Variants in TBC1D2 observed in about 807,000 individuals in gnomAD.
The protein encoded by TBC1D2 is TBC1 domain family member 2A.
TBC1D2 carries 58 observed loss-of-function variants against 91.1 expected under a neutral mutation model. The observed-to-expected ratio is 0.64, with a 90% CI of 0.52 to 0.79. The LOEUF (loss-of-function observed/expected upper bound fraction) is 0.79. Among genes scored for constraint, TBC1D2 ranks in the 30% least tolerant of loss-of-function variants. TBC1D2 has a pLI of 0.00. For synonymous variants in TBC1D2, 482 were observed against 511.5 expected, an observed-to-expected ratio of 0.94 and a Z score of 0.78; for missense variants, 1,080 against 1,208.3, an observed-to-expected ratio of 0.89 and a Z score of 1.57.
chr9:98,203,498 G>A, intron 9 of TBC1D2, 90 bp from the exon 10 acceptor site: 16 of 1,554,436 alleles, frequency 1.0e-5, no homozygotes, highest in Non-Finnish European at 1.3e-5. Context: ...GGTTCCAGGG[G>A]GAAAGTCCTT....
intron 3 of TBC1D2, among the ~76,000 whole-genome samples, 172 bp downstream of exon 3, chr9:98,243,822 C>A (rs1829704110): frequency 6.6e-6 from 1 of 152,190 alleles, no homozygotes. Context: ...TAGGCATAAG[C>A]CACCACACCC....
At chr9:98,239,407 T>C (rs183145209) in intron 3 of TBC1D2, among the ~76,000 whole-genome samples, 3 of 152,396 alleles carry the variant, frequency 2.0e-5, no homozygotes, top group African/African-American at 7.2e-5. Flanking sequence ...TATTGTCAAA[T>C]GCTTTTTCTC....
At chr9:98,204,510 G>A (rs1391861373) in intron 9 of TBC1D2, among the ~76,000 whole-genome samples, 1 of 152,142 alleles carries the variant, frequency 6.6e-6, no homozygotes, top group African/African-American at 2.4e-5. Flanking sequence ...TGGTCATAAC[G>A]AGCATTTAAG....
At chr9:98,236,470 G>A (rs1026692775) in intron 3 of TBC1D2, among the ~76,000 whole-genome samples, 11 of 152,218 alleles carry the variant, frequency 7.2e-5, no homozygotes, top group East Asian at 3.9e-4. Flanking sequence ...TGATCCACCC[G>A]CCTTGGCTTC....
chr9:98,241,613 T>A (rs1829638694), intron 3 of TBC1D2, among the ~76,000 whole-genome samples: 1 of 152,216 alleles, frequency 6.6e-6, no homozygotes, highest in South Asian at 2.1e-4. Flanking sequence ...ATTTTCTATG[T>A]TCTGCTTCTG....
chr9:98,231,587 A>T (rs1044904491), intron 4 of TBC1D2, among the ~76,000 whole-genome samples: 1 of 152,076 alleles, frequency 6.6e-6, no homozygotes. Flanking sequence ...ACTGGGCAAA[A>T]CTATACTGTT....
At chr9:98,248,820 T>C (rs1829815669) in intron 2 of TBC1D2, among the ~76,000 whole-genome samples, 1 of 152,164 alleles carries the variant, frequency 6.6e-6, no homozygotes, top group South Asian at 2.1e-4. Context: ...CTTGCTATTC[T>C]TATTATTATA....
chr9:98,247,999 T>A (rs940203129), intron 2 of TBC1D2, among the ~76,000 whole-genome samples: 1 of 152,170 alleles, frequency 6.6e-6, no homozygotes, highest in Admixed American at 6.5e-5. Context: ...ACTCTGAGAC[T>A]ACACAGAGCC....
intron 11 of TBC1D2, 83 bp downstream of exon 11, chr9:98,201,396 A>G: frequency 7.6e-7 from 1 of 1,314,828 alleles, no homozygotes; most frequent in Non-Finnish European, 1.1e-6. Context: ...TTGTCTTCCC[A>G]TTCTCCAGGG....
chr9:98,200,395 C>T, intron 11 of TBC1D2, 21 bp from the exon 12 acceptor site: 3 of 1,558,172 alleles, frequency 1.9e-6, no homozygotes, highest in Non-Finnish European at 2.6e-6. Context: ...AGTGGGGGCT[C>T]AGGTAGGGCA....
At chr9:98,200,408 G>A (rs1828460009) in intron 11 of TBC1D2, 34 bp from the exon 12 acceptor site, 1 of 1,565,912 alleles carries the variant, frequency 6.4e-7, no homozygotes, top group Non-Finnish European at 8.7e-7. Flanking sequence ...GTAGGGCATG[G>A]GGGGGCCAGG....
At chr9:98,213,393 T>C (rs2119049144) in intron 6 of TBC1D2, 175 bp from the exon 7 acceptor site, 1 of 1,421,240 alleles carries the variant, frequency 7.0e-7, no homozygotes, top group Non-Finnish European at 9.2e-7. Context: ...TTCTCTATTC[T>C]TGATGTCAGC....
At chr9:98,227,165 A>G in intron 5 of TBC1D2, among the ~76,000 whole-genome samples, 1 of 152,250 alleles carries the variant, frequency 6.6e-6, no homozygotes, top group Non-Finnish European at 1.5e-5. Context: ...CTGGAGCACC[A>G]TGATGACAGG....
intron 3 of TBC1D2, among the ~76,000 whole-genome samples, chr9:98,240,375 C>T (rs747952876): frequency 2.0e-5 from 3 of 152,126 alleles, no homozygotes; most frequent in Non-Finnish European, 2.9e-5. Context: ...TAAGGAGAGC[C>T]CCTGGCTCCT....
rs36035887 is a variant in TBC1D2, at chr9:98,242,803, C to CTTTTTTTTT, written c.647+1182_647+1190dup. On this transcript the variant is annotated intron_variant, in intron 3 of 12. Transcript: ENST00000465784. ...TCCAAAGCCCAGGCCACACTGCTGC[C>CTTTTTTTTT]TTTTTTTTTTTTTTTTTTTTTTTTT... 1.5e-3 allele frequency among the ~76,000 whole-genome samples: 126 copies of CTTTTTTTTT among 83,164 alleles called. 21 individuals carry two copies. Among genetic ancestry groups the CTTTTTTTTT allele is most frequent in the African/African-American group, 6.1e-3 (116 of 19,044 alleles). 54.6% of individuals were successfully genotyped at this position (83,164 alleles called of 152,430 possible). A position where few individuals can be genotyped will look rare whatever the true frequency, so the allele number is the denominator to read the frequency against.
rs1828832615 is a variant in TBC1D2 at position 98,211,314 on chromosome 9, A to C, written c.1486-471T>G. ...CAGAGCAAGCTCTGCAGGTGGTATG[A>C]CTGAACAGCGCCCAGGGGATGGACA... On this transcript the variant is annotated intron_variant, in intron 7 of 12. Transcript: ENST00000465784. Among the ~76,000 whole-genome samples the C allele has an allele frequency of 2.0e-5, 3 of 152,268 alleles. No homozygotes were observed. In the South Asian group the frequency reaches 6.2e-4, roughly 32 times the overall value.
chr9:98,214,863 C>G (rs1235545524), intron 6 of TBC1D2, among the ~76,000 whole-genome samples: 2 of 152,150 alleles, frequency 1.3e-5, no homozygotes, highest in African/African-American at 4.8e-5. Flanking sequence ...CCCCTGTTGA[C>G]TTTATCACAT....
At position 98,221,243 on chromosome 9, in the gene TBC1D2, G is replaced by A. The variant is rs1430201437; in HGVS notation, c.979-15C>T. The A allele has an allele frequency of 2.0e-6, 3 of 1,521,570 alleles. No homozygotes were observed. The highest frequency in any genetic ancestry group is 4.1e-5 in the Admixed American group (2 of 49,032). 94.3% of individuals were successfully genotyped at this position (1,521,570 alleles called of 1,614,324 possible). A position where few individuals can be genotyped will look rare whatever the true frequency, so the allele number is the denominator to read the frequency against. ...TTCACTAGCTCCTGGGCAGGGAGAG[G>A]GAAGAATCTTGTGAGCTCAGGGAGG... On this transcript the variant is annotated splice_polypyrimidine_tract_variant and intron_variant, in intron 5 of 12. Transcript: ENST00000465784.
chr9:98,248,427 C>T (rs1331615679), intron 2 of TBC1D2, among the ~76,000 whole-genome samples: 1 of 152,222 alleles, frequency 6.6e-6, no homozygotes, highest in South Asian at 2.1e-4. Context: ...TTTACGTGAG[C>T]TCTGAGGGTT....
Sources: allele counts gnomAD v4.1 joint callset (sites outside exome capture counted in the v4.1 genomes callset), GRCh38; gene constraint gnomAD v4.1.1; transcripts MANE v1.5; gene names NCBI Gene and HGNC (gene_info 2026-07-23, HGNC 2026-07-21).